PARD3B: variants seen among roughly 807,000 people sequenced by gnomAD.
The protein encoded by PARD3B is par-3 family cell polarity regulator beta.
Under a neutral mutation model 130.2 loss-of-function variants are expected in PARD3B, and 103 were observed. That is an observed-to-expected ratio of 0.79 (90% CI 0.67 to 0.93). PARD3B has a LOEUF of 0.93. Among genes scored for constraint, PARD3B ranks in the 40% least tolerant of loss-of-function variants. The pLI is 0.00. For synonymous variants in PARD3B, 583 were observed against 553.2 expected (o/e 1.05, Z -0.76); for missense variants, 1,609 against 1,499.2 (o/e 1.07, Z -1.21).
At chr2:205,425,137 G>A (rs1473770268) in intron 19 of PARD3B, among the ~76,000 whole-genome samples, 4 of 152,080 alleles carry the variant, frequency 2.6e-5, no homozygotes, top group Non-Finnish European at 5.9e-5. Flanking sequence ...TTTTGTAGGG[G>A]GACTGTCTAG....
chr2:204,654,150 G>T (rs2035572013), intron 1 of PARD3B, among the ~76,000 whole-genome samples: 1 of 151,234 alleles, frequency 6.6e-6, no homozygotes, highest in South Asian at 2.1e-4. Context: ...GTCTTAGAAA[G>T]GTGAGCTTTT....
intron 3 of PARD3B, among the ~76,000 whole-genome samples, chr2:204,979,170 C>T (rs1317853289): frequency 2.0e-5 from 3 of 148,514 alleles, no homozygotes; most frequent in African/African-American, 7.5e-5. Flanking sequence ...TGCACCACTG[C>T]AGTCCAGCCT....
rs560250843 is a variant in PARD3B, at chr2:205,534,766, G to A, written c.3181-18558G>A. Among the ~76,000 whole-genome samples, 4 of 152,298 alleles carry A rather than the reference G, an allele frequency of 2.6e-5. No individual in the cohort carries two copies. In the East Asian group the frequency reaches 5.8e-4, roughly 22 times the overall value. On this transcript the variant is annotated intron_variant, in intron 21 of 22. Coordinates refer to ENST00000406610, the MANE Select transcript of PARD3B (RefSeq NM_001302769.2). ...TTACAGGCTTGAGCCACTGCACCCA[G>A]CCTAACCATTCTTACCCATAGTGGT...
intron 20 of PARD3B, among the ~76,000 whole-genome samples, chr2:205,464,773 G>T (rs2048565802): frequency 6.6e-6 from 1 of 152,128 alleles, no homozygotes; most frequent in Admixed American, 6.5e-5. Context: ...AGTTCCCTAG[G>T]AATGGAGATC....
intron 22 of PARD3B, among the ~76,000 whole-genome samples, chr2:205,578,141 C>T (rs1317023678): frequency 1.3e-5 from 2 of 152,168 alleles, no homozygotes; most frequent in Non-Finnish European, 1.5e-5. Flanking sequence ...TACTCTTCCA[C>T]TGATAAGCTG....
At chr2:205,284,383 G>A (rs2041307604) in intron 16 of PARD3B, among the ~76,000 whole-genome samples, 1 of 152,154 alleles carries the variant, frequency 6.6e-6, no homozygotes, top group Non-Finnish European at 1.5e-5. Flanking sequence ...ATATTTGTTA[G>A]AATAGAATAT....
chr2:205,377,918 G>A (rs953020400), intron 18 of PARD3B, among the ~76,000 whole-genome samples: 1 of 151,814 alleles, frequency 6.6e-6, no homozygotes, highest in Non-Finnish European at 1.5e-5. Context: ...CTGCAGCCAC[G>A]TGCCACCACG....
chr2:205,575,628 A>G lies in PARD3B; in HGVS notation c.3260+22225A>G, dbSNP rs751322577. Among the ~76,000 whole-genome samples, 9 of 152,134 alleles carry G rather than the reference A, an allele frequency of 5.9e-5. No individual in the cohort carries two copies. The highest frequency in any genetic ancestry group is 1.2e-4 in the Non-Finnish European group (8 of 68,024). ...TGTCATATGCTTGGAATCACACAGT[A>G]TGTAGCCTTTTCAGATTGGCTTCTT... On this transcript the variant is annotated intron_variant, in intron 22 of 22. Transcript: ENST00000406610. This position sits in a 1 kb window ranked among gnomAD's most constrained non-coding sequence, Gnocchi z 4.6.
At chr2:205,210,350 T>C (rs1197790993) in intron 15 of PARD3B, among the ~76,000 whole-genome samples, 1 of 152,144 alleles carries the variant, frequency 6.6e-6, no homozygotes, top group Non-Finnish European at 1.5e-5. Context: ...AACATATTTC[T>C]TTAAATTTGT....
chr2:205,524,261 GCA>G (rs1340370728), intron 21 of PARD3B, among the ~76,000 whole-genome samples: 1 of 152,048 alleles, frequency 6.6e-6, no homozygotes, highest in Non-Finnish European at 1.5e-5. Flanking sequence ...TTGCTTGAAA[GCA>G]CCTTAAATGA....
At chr2:204,914,823 TG>T (rs1310293626) in intron 2 of PARD3B, among the ~76,000 whole-genome samples, 1 of 152,050 alleles carries the variant, frequency 6.6e-6, no homozygotes, top group East Asian at 1.9e-4. Context: ...CGGTGGTGCC[TG>T]GAGCAGGGGA....
At chr2:204,695,290 T>C (rs1290392190) in intron 2 of PARD3B, among the ~76,000 whole-genome samples, 3 of 152,030 alleles carry the variant, frequency 2.0e-5, no homozygotes, top group Admixed American at 6.6e-5. Flanking sequence ...TTTTTACTTA[T>C]GTAACTTACG....
chr2:204,829,566 C>T (rs1466369761), intron 2 of PARD3B, among the ~76,000 whole-genome samples: 29 of 152,112 alleles, frequency 1.9e-4, no homozygotes, highest in Admixed American at 1.9e-3. Context: ...TTGGTGTCCC[C>T]ACCCAAATCT....
chr2:205,289,465 A>G (rs1279449699), intron 16 of PARD3B, among the ~76,000 whole-genome samples: 3 of 152,202 alleles, frequency 2.0e-5, no homozygotes, highest in African/African-American at 7.2e-5. Flanking sequence ...TACCCCATAA[A>G]TGAGGTTCTA....
chr2:204,897,392 T>TTTTG (rs2046678354), intron 2 of PARD3B, among the ~76,000 whole-genome samples: 2 of 150,730 alleles, frequency 1.3e-5, no homozygotes, highest in Non-Finnish European at 1.5e-5. Context: ...ACTGTTTTTT[T>TTTTG]TTTTTTTTTT....
chr2:205,264,226 GT>G (rs2040419401), intron 16 of PARD3B, among the ~76,000 whole-genome samples: 1 of 151,062 alleles, frequency 6.6e-6, no homozygotes, highest in Non-Finnish European at 1.5e-5. Context: ...TGCATTAGAG[GT>G]GGTAGTTGAA....
At chr2:204,749,127 G>C (rs976554382) in intron 2 of PARD3B, among the ~76,000 whole-genome samples, 6 of 152,002 alleles carry the variant, frequency 3.9e-5, no homozygotes, top group Non-Finnish European at 7.4e-5. Flanking sequence ...ATTATCTCAA[G>C]TGCAAAAGTG....
At chr2:204,776,058 C>T (rs1018865919) in intron 2 of PARD3B, among the ~76,000 whole-genome samples, 2 of 152,162 alleles carry the variant, frequency 1.3e-5, no homozygotes, top group African/African-American at 2.4e-5. Context: ...GCTTTGCTAG[C>T]TAGAAAAAAC....
chr2:205,064,916 C>G (rs996809013), intron 4 of PARD3B, among the ~76,000 whole-genome samples: 7 of 152,134 alleles, frequency 4.6e-5, no homozygotes, highest in Non-Finnish European at 1.0e-4. Flanking sequence ...CAAAAGACCC[C>G]TTCCCTCAGA....
Sources: gnomAD v4.1 joint callset for allele counts (sites outside exome capture counted in the v4.1 genomes callset) on GRCh38, gnomAD v4.1.1 for gene constraint, Gnocchi (gnomAD v3.1) non-coding constraint, MANE v1.5 for transcripts, NCBI Gene and HGNC (gene_info 2026-07-23, HGNC 2026-07-21) for gene names.